PKHD1: variants seen among roughly 807,000 people sequenced by gnomAD.
The protein encoded by PKHD1 is PKHD1 ciliary IPT domain containing fibrocystin/polyductin.
PKHD1 carries 291 observed loss-of-function variants against 412.0 expected under a neutral mutation model. The ratio of observed to expected loss-of-function variants is 0.71; its 90% CI spans 0.64 to 0.78. The LOEUF is 0.78. PKHD1 is among the 30% of genes least tolerant of loss of function. The pLI, the probability that PKHD1 is intolerant of heterozygous loss-of-function variation, is 0.00. For missense variants in PKHD1, 4,825 were observed against 4,950.7 expected, an observed-to-expected ratio of 0.97 and a Z score of 0.76; for synonymous variants, 1,777 against 1,821.5, an observed-to-expected ratio of 0.98 and a Z score of 0.62.
chr6:52,034,179 GAA>G (rs60829265), intron 28 of PKHD1, among the ~76,000 whole-genome samples: 195 of 139,772 alleles, frequency 1.4e-3, no homozygotes, highest in Middle Eastern at 3.7e-3. Flanking sequence ...AACTCTAGGG[GAA>G]AAAAAAAAAA....
chr6:52,077,647 C>A (rs1811508794), intron 5 of PKHD1, among the ~76,000 whole-genome samples: 2 of 152,120 alleles, frequency 1.3e-5, no homozygotes, highest in South Asian at 2.1e-4. Flanking sequence ...GCTTGCCAGG[C>A]GTAGGTTTTA....
At chr6:51,850,606 C>T (rs1226351352) in intron 49 of PKHD1, among the ~76,000 whole-genome samples, 1 of 152,126 alleles carries the variant, frequency 6.6e-6, no homozygotes, top group Non-Finnish European at 1.5e-5. Context: ...AGAGGTCCTT[C>T]GCACTGCTTG....
chr6:51,739,323 C>T (rs946130564), intron 60 of PKHD1, among the ~76,000 whole-genome samples: 1 of 151,860 alleles, frequency 6.6e-6, no homozygotes, highest in Non-Finnish European at 1.5e-5. Flanking sequence ...CCCCGCCTCC[C>T]GGGTTCAAGC....
intron 60 of PKHD1, among the ~76,000 whole-genome samples, chr6:51,667,004 T>C (rs1028689190): frequency 1.3e-5 from 2 of 149,484 alleles, no homozygotes; most frequent in East Asian, 3.9e-4. Flanking sequence ...GCAATAAACA[T>C]ACGTGTGCAT....
Position 51,850,500 on chromosome 6 carries a change from C to T in PKHD1, c.7912-2530G>A, listed in dbSNP as rs765090085. Among the ~76,000 whole-genome samples the T allele has an allele frequency of 1.2e-3, 179 of 152,178 alleles. 2 individuals are homozygous for T. The highest frequency in any genetic ancestry group is 5.1e-4 in the Non-Finnish European group (35 of 68,030). Reference sequence around the variant, plus strand: ...ACTTTGGGCAGTATAGCCATTTTCACGACATTGATTCTTCCTATCCATGAG... The same window carrying T: ...ACTTTGGGCAGTATAGCCATTTTCATGACATTGATTCTTCCTATCCATGAG... On this transcript the variant is annotated intron_variant, in intron 49 of 66. Transcript: ENST00000371117.
chr6:52,008,613 C>G (rs1487752815), intron 35 of PKHD1, among the ~76,000 whole-genome samples: 1 of 152,052 alleles, frequency 6.6e-6, no homozygotes, highest in Non-Finnish European at 1.5e-5. Context: ...GCAGCAAGCA[C>G]TATAGAAAAA....
chr6:52,000,613 A>G (rs1583817097), intron 35 of PKHD1, among the ~76,000 whole-genome samples: 1 of 152,322 alleles, frequency 6.6e-6, no homozygotes, highest in East Asian at 1.9e-4. Context: ...TCACAGGGCT[A>G]ATAAAGCTCG....
intron 39 of PKHD1, among the ~76,000 whole-genome samples, chr6:51,910,634 A>G (rs1782793765): frequency 6.6e-6 from 1 of 152,182 alleles, no homozygotes; most frequent in Admixed American, 6.5e-5. Flanking sequence ...TAAACCTAGA[A>G]GCATGATCTC....
intron 46 of PKHD1, among the ~76,000 whole-genome samples, chr6:51,880,839 G>T (rs1777187802): frequency 7.1e-6 from 1 of 140,588 alleles, no homozygotes; most frequent in Non-Finnish European, 1.5e-5. Flanking sequence ...GGTGGCAGGT[G>T]CCTGTGGTCC....
At chr6:51,677,824 C>A (rs1776084252) in intron 60 of PKHD1, among the ~76,000 whole-genome samples, 1 of 152,010 alleles carries the variant, frequency 6.6e-6, no homozygotes, top group Non-Finnish European at 1.5e-5. Context: ...ACCCAATAGA[C>A]CCTTCTTCTG....
intron 52 of PKHD1, among the ~76,000 whole-genome samples, chr6:51,817,890 C>T (rs189117374): frequency 2.6e-5 from 4 of 152,278 alleles, no homozygotes; most frequent in Non-Finnish European, 5.9e-5. Context: ...GAACATTCAC[C>T]ACCTCCGTGC....
intron 66 of PKHD1, among the ~76,000 whole-genome samples, chr6:51,624,846 G>A (rs1346737756): frequency 6.6e-6 from 1 of 152,190 alleles, no homozygotes; most frequent in Admixed American, 6.5e-5. Flanking sequence ...TCTGTCAACA[G>A]GGAGTCAGAT....
intron 60 of PKHD1, among the ~76,000 whole-genome samples, chr6:51,719,745 T>C (rs1340413066): frequency 6.6e-6 from 1 of 152,198 alleles, no homozygotes; most frequent in Non-Finnish European, 1.5e-5. Context: ...TAAATGGCAC[T>C]GCTTTCTAAT....
At chr6:51,893,673 A>G (rs998440718) in intron 43 of PKHD1, among the ~76,000 whole-genome samples, 6 of 152,254 alleles carry the variant, frequency 3.9e-5, no homozygotes, top group African/African-American at 1.4e-4. Context: ...TATTATGGAC[A>G]TTCAAGCAAG....
intron 60 of PKHD1, among the ~76,000 whole-genome samples, chr6:51,705,390 G>T (rs926438063): frequency 1.3e-5 from 2 of 152,018 alleles, no homozygotes; most frequent in Non-Finnish European, 2.9e-5. Flanking sequence ...TGAGGAGAGG[G>T]TGAGTAAGAG....
intron 60 of PKHD1, among the ~76,000 whole-genome samples, chr6:51,671,482 CTTTGG>C (rs1025352895): frequency 8.5e-5 from 13 of 152,126 alleles, no homozygotes; most frequent in Admixed American, 8.5e-4. Context: ...ACTTCTTTGC[CTTTGG>C]TTTGAATTTC....
chr6:51,958,427 T>C (rs1164940329), intron 36 of PKHD1, among the ~76,000 whole-genome samples: 1 of 152,098 alleles, frequency 6.6e-6, no homozygotes, highest in East Asian at 1.9e-4. Context: ...GAGTGAGAAG[T>C]CAAATGAATG....
chr6:51,839,000 G>C lies in PKHD1; in HGVS notation c.8108-2531C>G, dbSNP rs994245341. ...CATTATGGCATGTTCATGATTCCAG[G>C]TGCCAGTCAACAAGGTTCAAGAAAC... On this transcript the variant is annotated intron_variant, in intron 50 of 66. Coordinates refer to ENST00000371117, the MANE Select transcript of PKHD1 (RefSeq NM_138694.4). Among the ~76,000 whole-genome samples the C allele has an allele frequency of 2.0e-5, 3 of 152,142 alleles. No individual in the cohort carries two copies. The East Asian group carries it at 5.8e-4, about 29-fold the overall frequency.
chr6:51,714,056 T>A (rs776113980), intron 60 of PKHD1, among the ~76,000 whole-genome samples: 1 of 152,038 alleles, frequency 6.6e-6, no homozygotes, highest in Non-Finnish European at 1.5e-5. Flanking sequence ...ATAGAAGAGA[T>A]GAAGAATTCA....
Sources: allele counts gnomAD v4.1 joint callset (sites outside exome capture counted in the v4.1 genomes callset), GRCh38; gene constraint gnomAD v4.1.1; transcripts MANE v1.5; gene names NCBI Gene and HGNC (gene_info 2026-07-23, HGNC 2026-07-21).